NOTCH2: variants seen among roughly 807,000 people sequenced by gnomAD.
NOTCH2 encodes the protein neurogenic locus notch homolog protein 2.
A neutral mutation model predicts 235.8 loss-of-function variants in NOTCH2; 29 were observed. That is an observed-to-expected ratio of 0.12 (90% CI 0.09 to 0.17). NOTCH2 has a LOEUF of 0.17. Ranked by LOEUF, NOTCH2 falls within the 10% of genes least tolerant of loss-of-function variation. The probability of loss-of-function intolerance (pLI) is 1.00; values close to 1 mark genes in which losing one functional copy is unlikely to be tolerated. For synonymous variants in NOTCH2, 1,086 were observed against 1,141.5 expected (o/e 0.95, Z 0.98); for missense variants, 2,285 against 3,150.2 (o/e 0.73, Z 6.57).
Position 119,919,322 on chromosome 1 carries a change from C to A in NOTCH2, c.5771G>T (p.Gly1924Val). Residue 1924 changes from glycine to valine, a missense_variant, in exon 31 of 34, where the codon GGT becomes GTT. Gly to Val is a moderately radical substitution (Grantham distance 109, BLOSUM62 -3). Around this residue, in one of 6 missense-constraint regions of NOTCH2, gnomAD observed 128 missense variants for 255.9 expected, o/e 0.50. Coordinates refer to ENST00000256646, the MANE Select transcript of NOTCH2 (RefSeq NM_024408.4). ...LHAAVAADAQ[G>V]VFQILIRNRV... ...TCTCATGTTCTTTACCTGGAAGACA[C>A]CTTGGGCATCAGCTGCCACTGCAGC... The A allele has an allele frequency of 6.2e-7, 1 of 1,611,914 alleles. No individual in the cohort carries two copies. The highest frequency in any genetic ancestry group is 8.5e-7 in the Non-Finnish European group (1 of 1,180,000).
At chr1:119,963,227 C>T (rs1651011860) in intron 11 of NOTCH2, among the ~76,000 whole-genome samples, 1 of 116,904 alleles carries the variant, frequency 8.6e-6, no homozygotes, top group Non-Finnish European at 2.1e-5. Flanking sequence ...ATTTATTAAT[C>T]TGGGTGGGGT....
At chr1:119,957,380 T>G (rs1342016484) in intron 12 of NOTCH2, among the ~76,000 whole-genome samples, 1 of 152,218 alleles carries the variant, frequency 6.6e-6, no homozygotes, top group Non-Finnish European at 1.5e-5. Flanking sequence ...TATAGAAGTA[T>G]CACATAATTC....
At chr1:120,017,507 A>G (rs1237304468) in intron 2 of NOTCH2, among the ~76,000 whole-genome samples, 2 of 152,192 alleles carry the variant, frequency 1.3e-5, no homozygotes, top group Non-Finnish European at 2.9e-5. Context: ...GCATTCAACT[A>G]TTCAGTGCAG....
rs782431280 is a variant in NOTCH2, at chr1:120,060,450, A to AAT, written c.73+8882_73+8883dup. Among the ~76,000 whole-genome samples, 1,330 of 139,780 alleles carry AAT rather than the reference A, an allele frequency of 9.5e-3. 4 individuals carry two copies. The highest frequency in any genetic ancestry group is 0.032 in the South Asian group (149 of 4,586). 91.7% of individuals were successfully genotyped at this position (139,780 alleles called of 152,430 possible). On this transcript the variant is annotated intron_variant, in intron 1 of 33. Transcript: ENST00000256646. Reference sequence around the variant, plus strand: ...TATATGTAGATCTGTTCATAAACTAAATATATATATATATATATATAAAAA... The same window carrying AAT: ...TATATGTAGATCTGTTCATAAACTAAATATATATATATATATATATATAAAAA...
chr1:119,939,906 TG>T (rs1164534767), intron 19 of NOTCH2, among the ~76,000 whole-genome samples: 1 of 152,232 alleles, frequency 6.6e-6, no homozygotes, highest in Non-Finnish European at 1.5e-5. Flanking sequence ...CTATGTTCTT[TG>T]GAGTTATTAT....
In NOTCH2 at chr1:119,955,253, G is replaced by A. The variant is rs782470646; in HGVS notation, c.2027-21C>T. On this transcript the variant is annotated intron_variant, in intron 12 of 33. Coordinates refer to ENST00000256646, the MANE Select transcript of NOTCH2 (RefSeq NM_024408.4). Reference sequence around the variant, plus strand: ...CTGCCCTGTGGAGAAGGGGGACAGTGTTAGTCACATCCTAAATGCTTAGGA... The same window carrying A: ...CTGCCCTGTGGAGAAGGGGGACAGTATTAGTCACATCCTAAATGCTTAGGA... 2.5e-6 allele frequency: 4 copies of A among 1,611,284 alleles called. No homozygotes were observed. In the South Asian group the frequency reaches 3.3e-5, roughly 13 times the overall value.
intron 21 of NOTCH2, among the ~76,000 whole-genome samples, chr1:119,936,179 T>G (rs1292288761): frequency 6.6e-6 from 1 of 152,206 alleles, no homozygotes; most frequent in Admixed American, 6.5e-5. Flanking sequence ...GTGGCTTTAT[T>G]TGGACACTTT....
chr1:119,954,017 T>C (rs1650590501), intron 13 of NOTCH2, among the ~76,000 whole-genome samples: 1 of 152,188 alleles, frequency 6.6e-6, no homozygotes, highest in Non-Finnish European at 1.5e-5. Flanking sequence ...TTATTATACA[T>C]AAAACTAAAG....
chr1:119,920,969 G>A (rs78144975), intron 29 of NOTCH2, among the ~76,000 whole-genome samples: 4,767 of 152,280 alleles, frequency 0.031, 234 homozygotes, highest in African/African-American at 0.11. Flanking sequence ...TACATGACAG[G>A]AAAGTAGATA....
intron 5 of NOTCH2, among the ~76,000 whole-genome samples, chr1:119,979,296 T>C (rs1427271801): frequency 2.6e-5 from 4 of 152,144 alleles, no homozygotes; most frequent in Non-Finnish European, 4.4e-5. Flanking sequence ...GCAAAGATAA[T>C]AGGTTTTCCT....
At chr1:119,924,118 C>A (rs587711447) in intron 25 of NOTCH2, 134 bp from the exon 26 acceptor site, 2 of 737,270 alleles carry the variant, frequency 2.7e-6, no homozygotes, top group African/African-American at 1.7e-5. Context: ...AAATGCCCCA[C>A]AAAACCTTCT....
chr1:119,952,343 C>G (rs782098571), intron 14 of NOTCH2, among the ~76,000 whole-genome samples: 7 of 152,076 alleles, frequency 4.6e-5, no homozygotes, highest in Non-Finnish European at 8.8e-5. Context: ...CAAGCACATC[C>G]CATTTATTGT....
intron 9 of NOTCH2, 25 bp from the exon 10 acceptor site, chr1:119,965,591 G>A (rs782059490): frequency 2.8e-6 from 4 of 1,440,068 alleles, no homozygotes; most frequent in Middle Eastern, 1.7e-4. Flanking sequence ...GTGGTAACAT[G>A]AGTCAAAGGA....
chr1:120,018,018 A>G (rs1357696259), intron 2 of NOTCH2, among the ~76,000 whole-genome samples: 1 of 151,462 alleles, frequency 6.6e-6, no homozygotes, highest in Non-Finnish European at 1.5e-5. Context: ...AAAGTGTTGG[A>G]GCCTTCTTTC....
At chr1:120,025,949 G>A (rs1258864908) in intron 2 of NOTCH2, among the ~76,000 whole-genome samples, 2 of 136,128 alleles carry the variant, frequency 1.5e-5, no homozygotes, top group African/African-American at 6.4e-5. Flanking sequence ...AGTAGGACAA[G>A]GGAAAGAATA....
chr1:119,920,002 C>T (rs1261127182), intron 30 of NOTCH2, among the ~76,000 whole-genome samples: 2 of 152,194 alleles, frequency 1.3e-5, no homozygotes, highest in East Asian at 3.8e-4. Context: ...ATTTTATCAG[C>T]CTGTTTAGTC....
chr1:119,991,868 G>A (rs1738653), intron 4 of NOTCH2, among the ~76,000 whole-genome samples: 4 of 129,722 alleles, frequency 3.1e-5, no homozygotes, highest in African/African-American at 1.1e-4. Context: ...AGAAAATGAC[G>A]CATGCCCCCA....
chr1:119,948,281 G>A, intron 17 of NOTCH2, 133 bp downstream of exon 17: 1 of 927,152 alleles, frequency 1.1e-6, no homozygotes, highest in Non-Finnish European at 1.7e-6. Flanking sequence ...AAACACTACT[G>A]TTAAATATGC....
intron 33 of NOTCH2, among the ~76,000 whole-genome samples, chr1:119,917,009 T>C (rs1376149732): frequency 6.6e-6 from 1 of 151,774 alleles, no homozygotes; most frequent in Non-Finnish European, 1.5e-5. Context: ...AAAAGAGTAC[T>C]GAGCTTATCA....
Sources: allele counts gnomAD v4.1 joint callset (sites outside exome capture counted in the v4.1 genomes callset), GRCh38; gene constraint gnomAD v4.1.1; regional missense constraint gnomAD v4.1.1; transcripts MANE v1.5; gene names NCBI Gene and HGNC (gene_info 2026-07-23, HGNC 2026-07-21).